Variants in FAT4 observed in about 807,000 individuals in gnomAD.
FAT4 encodes FAT atypical cadherin 4, also known as protocadherin Fat 4.
In FAT4, 84 loss-of-function variants were observed where a neutral mutation model predicts 303.9. The ratio of observed to expected loss-of-function variants is 0.28; its 90% CI spans 0.23 to 0.33. The LOEUF is 0.33. Ranked by LOEUF, FAT4 falls within the 10% of genes least tolerant of loss-of-function variation. The pLI, the probability that FAT4 is intolerant of heterozygous loss-of-function variation, is 1.00. For synonymous variants in FAT4, 2,307 were observed against 2,298.8 expected (o/e 1.00, Z -0.10); for missense variants, 6,005 against 6,146.8 (o/e 0.98, Z 0.77).
chr4:125,324,128 A>C (rs758658498), intron 2 of FAT4, among the ~76,000 whole-genome samples: 3 of 152,172 alleles, frequency 2.0e-5, no homozygotes, highest in Non-Finnish European at 2.9e-5. Flanking sequence ...TGGGTTTCAG[A>C]CACAAGATTA....
intron 16 of FAT4, among the ~76,000 whole-genome samples, chr4:125,484,089 A>G (rs1727325577): frequency 6.6e-6 from 1 of 150,610 alleles, no homozygotes. Flanking sequence ...ACACACACAC[A>G]CACACACGCA....
Position 125,318,018 on chromosome 4 carries a change from C to T in FAT4, c.1607C>T (p.Ser536Phe), listed in dbSNP as rs1178514907. 5 of 1,614,144 alleles carry T rather than the reference C, an allele frequency of 3.1e-6. No individual in the cohort carries two copies. In the South Asian group the frequency reaches 5.5e-5, roughly 18 times the overall value. ...CATAGCGGCCTCGTGACCACTGGGT[C>T]CTCTGGGGGCCTGGACCGTGAACTT... is the stretch of plus-strand genomic sequence containing the variant. ...SEHSGLVTTG[S>F]SGGLDRELAS... Residue 536 changes from serine to phenylalanine, a missense_variant, in exon 2 of 18, where the codon TCC becomes TTC. Coordinates refer to ENST00000394329, the MANE Select transcript of FAT4 (RefSeq NM_001291303.3).
rs1353745921 is a variant in FAT4 at position 125,315,291 on chromosome 4, A to G, written c.-699A>G. 5.9e-5 allele frequency among the ~76,000 whole-genome samples: 9 copies of G among 152,090 alleles called. No individual in the cohort carries two copies. The highest frequency in any genetic ancestry group is 1.2e-4 in the Non-Finnish European group (8 of 68,010). On this transcript the variant is annotated 5_prime_UTR_variant, in exon 1 of 18. Coordinates refer to ENST00000394329, the MANE Select transcript of FAT4 (RefSeq NM_001291303.3). ...GCCGACTTCGCCGCCTCCGCTGCCAACTGTGAAGGAGAGAGAGGCATCAAC... is the reference window on the plus strand; with the variant it reads ...GCCGACTTCGCCGCCTCCGCTGCCAGCTGTGAAGGAGAGAGAGGCATCAAC...
rs369856728 is a variant in FAT4 at position 125,318,060 on chromosome 4, T to A, written c.1649T>A (p.Leu550Gln). Reference protein sequence around the residue: ...LDRELASQIVLNISARDQGVH... With the variant: ...LDRELASQIVQNISARDQGVH... Reference sequence around the variant, plus strand: ...CGTGAACTTGCTTCCCAGATTGTTCTGAATATAAGTGCCCGGGACCAGGGA... The same window carrying A: ...CGTGAACTTGCTTCCCAGATTGTTCAGAATATAAGTGCCCGGGACCAGGGA... The change falls in exon 2 of 18, where the codon CTG becomes CAG. Residue 550 changes from leucine to glutamine, a missense_variant. Coordinates refer to ENST00000394329, the MANE Select transcript of FAT4 (RefSeq NM_001291303.3). 6 of 1,614,060 alleles carry A rather than the reference T, an allele frequency of 3.7e-6. No individual in the cohort carries two copies. The highest frequency in any genetic ancestry group is 5.1e-6 in the Non-Finnish European group (6 of 1,180,036).
At chr4:125,463,871 G>C (rs764147262) in intron 11 of FAT4, among the ~76,000 whole-genome samples, 1 of 152,064 alleles carries the variant, frequency 6.6e-6, no homozygotes, top group East Asian at 1.9e-4. Flanking sequence ...ACTAGAAAAA[G>C]AGTCAACTCA....
At position 125,319,123 on chromosome 4, in the gene FAT4, G is replaced by T; in HGVS notation, c.2712G>T (p.Glu904Asp). The change falls in exon 2 of 18, where the codon GAG (glutamate) becomes GAT (aspartate). Residue 904 changes from glutamate to aspartate, a missense_variant. Glu to Asp is a conservative substitution (Grantham distance 45, BLOSUM62 2). Transcript: ENST00000394329. ...CAATAGAGAGTGTAAATGTGGTGGA[G>T]AATTGGCAGGCAGGTCACAGCATTT... Reference protein sequence around the residue: ...LQAIESVNVVENWQAGHSIFQ... With the variant: ...LQAIESVNVVDNWQAGHSIFQ... 1 of 1,614,122 alleles carries T rather than the reference G, an allele frequency of 6.2e-7. No homozygotes were observed. Among genetic ancestry groups the T allele is most frequent in the Non-Finnish European group, 8.5e-7 (1 of 1,180,020 alleles).
At chr4:125,322,681 T>G (rs998011389) in intron 2 of FAT4, among the ~76,000 whole-genome samples, 10 of 151,984 alleles carry the variant, frequency 6.6e-5, no homozygotes, top group Admixed American at 6.6e-4. Flanking sequence ...TTTTCTTTTT[T>G]GGGGGGAGGA....
At chr4:125,358,165 T>C (rs1014852842) in intron 2 of FAT4, among the ~76,000 whole-genome samples, 2 of 152,088 alleles carry the variant, frequency 1.3e-5, no homozygotes, top group Non-Finnish European at 1.5e-5. Context: ...TTTAAATAAC[T>C]GAAACCTTAT....
At chr4:125,394,526 C>T (rs1311532956) in intron 2 of FAT4, among the ~76,000 whole-genome samples, 1 of 151,978 alleles carries the variant, frequency 6.6e-6, no homozygotes, top group Non-Finnish European at 1.5e-5. Context: ...TAAGCTAAAC[C>T]ACTAATAACA....
At chr4:125,385,022 ATATT>A (rs1174715824) in intron 2 of FAT4, among the ~76,000 whole-genome samples, 121 of 79,958 alleles carry the variant, frequency 1.5e-3, no homozygotes, top group Middle Eastern at 6.3e-3. Context: ...ATATATATAT[ATATT>A]TTTTTTTTTT....
Position 125,441,847 on chromosome 4 carries a change from G to A in FAT4, c.7200-4446G>A, listed in dbSNP as rs747138020. On this transcript the variant is annotated intron_variant, in intron 8 of 17. Transcript: ENST00000394329. ...GATCATTTTCTGCTCATGGGACAAG[G>A]ATCTGTGCTTTCCCAAGCCTTATAG... Among the ~76,000 whole-genome samples, 52 of 152,150 alleles carry A rather than the reference G, an allele frequency of 3.4e-4. 1 individual carries two copies. Among genetic ancestry groups the A allele is most frequent in the Non-Finnish European group, 6.3e-4 (43 of 68,024 alleles).
chr4:125,397,321 G>A (rs538453085), intron 2 of FAT4, among the ~76,000 whole-genome samples: 39 of 152,246 alleles, frequency 2.6e-4, no homozygotes, highest in Non-Finnish European at 5.1e-4. Flanking sequence ...AGTTCATCTA[G>A]CTAATAAGTG....
At position 125,415,735 on chromosome 4, in the gene FAT4, G is replaced by C; in HGVS notation, c.6772G>C (p.Val2258Leu). ...ACTGGATATTAATGACTTTGTTCCT[G>C]TATTTGAGCTATCTCCATATTCTGT... ...VLLDINDFVP[V>L]FELSPYSVNV... The change falls in exon 6 of 18, where the codon GTA becomes CTA. Residue 2258 changes from valine to leucine, a missense_variant. By Grantham distance (32) the Val-to-Leu change is conservative. Transcript: ENST00000394329. 6.2e-7 allele frequency: 1 copy of C among 1,613,944 alleles called. No individual in the cohort carries two copies.
rs199902489 is a variant in FAT4 at position 125,318,223 on chromosome 4, G to A, written c.1812G>A (p.Met604Ile). The change falls in exon 2 of 18, where the codon ATG becomes ATA. Residue 604 changes from methionine (M) to isoleucine (I), a missense_variant. Transcript: ENST00000394329. ...ENAPTGTELLMLRATDGDLGD... is the reference protein window; with the variant it reads ...ENAPTGTELLILRATDGDLGD... Reference sequence around the variant, plus strand: ...CCCCAACAGGGACAGAACTGTTGATGCTCAGGGCAACTGACGGGGACCTGG... The same window carrying A: ...CCCCAACAGGGACAGAACTGTTGATACTCAGGGCAACTGACGGGGACCTGG... The A allele has an allele frequency of 6.2e-7, 1 of 1,614,228 alleles. No homozygotes were observed. Among genetic ancestry groups the A allele is most frequent in the African/African-American group, 1.3e-5 (1 of 75,062 alleles).
chr4:125,453,874 G>A (rs1430779528), intron 10 of FAT4, among the ~76,000 whole-genome samples: 1 of 152,112 alleles, frequency 6.6e-6, no homozygotes, highest in African/African-American at 2.4e-5. Flanking sequence ...GCACCCTAGT[G>A]GGATATGATG....
intron 17 of FAT4, among the ~76,000 whole-genome samples, chr4:125,489,284 C>T (rs1022621433): frequency 1.3e-5 from 2 of 152,126 alleles, no homozygotes; most frequent in Non-Finnish European, 2.9e-5. Flanking sequence ...TTTATCATTC[C>T]CCTAAGGAGA....
rs201827710 is a variant in FAT4 at position 125,440,292 on chromosome 4, AT to A, written c.7199+5877del. Among the ~76,000 whole-genome samples, 1,097 of 148,770 alleles carry A rather than the reference AT, an allele frequency of 7.4e-3. 6 individuals carry two copies. The highest frequency in any genetic ancestry group is 0.023 in the African/African-American group (938 of 40,652). On this transcript the variant is annotated intron_variant, in intron 8 of 17. Transcript: ENST00000394329. ...TTTATTCCTGAAAATCTTTAGTCTGATTTTTTTTTTCCTTCATTGCTTTACT... is the reference window on the plus strand; with the variant it reads ...TTTATTCCTGAAAATCTTTAGTCTGATTTTTTTTTCCTTCATTGCTTTACT...
intron 15 of FAT4, among the ~76,000 whole-genome samples, chr4:125,481,179 G>T (rs756946926): frequency 6.6e-6 from 1 of 152,090 alleles, no homozygotes; most frequent in Non-Finnish European, 1.5e-5. Flanking sequence ...CAGTGAAAAT[G>T]ATTACAAACA....
intron 8 of FAT4, among the ~76,000 whole-genome samples, chr4:125,438,609 T>C (rs1312678530): frequency 6.6e-6 from 1 of 152,196 alleles, no homozygotes; most frequent in East Asian, 1.9e-4. Context: ...GAAGCTATTT[T>C]TGTCTTGTGA....
Sources: gnomAD v4.1 joint callset for allele counts (sites outside exome capture counted in the v4.1 genomes callset) on GRCh38, gnomAD v4.1.1 for gene constraint, MANE v1.5 for transcripts, NCBI Gene and HGNC (gene_info 2026-07-23, HGNC 2026-07-21) for gene names.